STAU2: variants seen among roughly 807,000 people sequenced by gnomAD.
The protein encoded by STAU2 is double-stranded RNA-binding protein Staufen homolog 2.
STAU2 carries 20 observed loss-of-function variants against 65.9 expected under a neutral mutation model. The ratio of observed to expected loss-of-function variants is 0.30; its 90% CI spans 0.21 to 0.44. The LOEUF is 0.44. STAU2 is among the 20% of genes least tolerant of loss of function. STAU2 has a pLI of 1.00. For synonymous variants in STAU2, 232 were observed against 233.9 expected (o/e 0.99, Z 0.07); for missense variants, 558 against 683.9 (o/e 0.82, Z 2.05).
intron 13 of STAU2, among the ~76,000 whole-genome samples, chr8:73,522,532 G>A (rs975547100): frequency 4.6e-5 from 7 of 152,162 alleles, no homozygotes; most frequent in Non-Finnish European, 7.4e-5. Context: ...CTCAGCAATT[G>A]TAAATCAGTG....
intron 3 of STAU2, among the ~76,000 whole-genome samples, chr8:73,716,426 G>C (rs980013493): frequency 6.6e-6 from 1 of 152,064 alleles, no homozygotes; most frequent in African/African-American, 2.4e-5. Context: ...GTGCCACCAT[G>C]GTCCTGAAAA....
chr8:73,489,930 T>C (rs16938683), intron 13 of STAU2, among the ~76,000 whole-genome samples: 1,933 of 152,146 alleles, frequency 0.013, 20 homozygotes, highest in South Asian at 0.02. Flanking sequence ...AGATTCATTA[T>C]GAAAGAGAGG....
In STAU2 at chr8:73,420,391, T is replaced by G. The variant is rs113732226; in HGVS notation, c.*981A>C. On this transcript the variant is annotated 3_prime_UTR_variant, in exon 15 of 15. Transcript: ENST00000524300. ...CGCTTCACACAGAAACCAACCACAT[T>G]TTTACTGCATCTGCTCCACGCTGGA... 81 of 338,968 alleles carry G rather than the reference T, an allele frequency of 2.4e-4. No homozygotes were observed. Among genetic ancestry groups the G allele is most frequent in the African/African-American group, 1.7e-3 (78 of 46,746 alleles). 21.0% of individuals were successfully genotyped at this position (338,968 alleles called of 1,614,324 possible).
intron 13 of STAU2, among the ~76,000 whole-genome samples, chr8:73,466,476 G>A (rs530016492): frequency 1.8e-4 from 28 of 152,266 alleles, no homozygotes; most frequent in Non-Finnish European, 3.2e-4. Flanking sequence ...AAGCCAGGAA[G>A]AAAAAGGGGG....
At chr8:73,583,593 A>G (rs1257151297) in intron 11 of STAU2, among the ~76,000 whole-genome samples, 1 of 152,196 alleles carries the variant, frequency 6.6e-6, no homozygotes, top group Non-Finnish European at 1.5e-5. Context: ...ATGTCCATCT[A>G]GAAAAGTCCT....
intron 13 of STAU2, among the ~76,000 whole-genome samples, chr8:73,523,731 A>G (rs1432677760): frequency 4.6e-5 from 7 of 152,182 alleles, no homozygotes; most frequent in Non-Finnish European, 1.0e-4. Context: ...ACTGACAACA[A>G]GGCCAGTGAG....
chr8:73,526,791 T>C (rs1289122442), intron 13 of STAU2, among the ~76,000 whole-genome samples: 4 of 152,234 alleles, frequency 2.6e-5, no homozygotes, highest in African/African-American at 7.2e-5. Context: ...CTCAAGCTGC[T>C]ATCTAAACAA....
intron 13 of STAU2, among the ~76,000 whole-genome samples, chr8:73,535,136 C>T (rs929606709): frequency 1.3e-5 from 2 of 152,020 alleles, no homozygotes; most frequent in African/African-American, 4.8e-5. Flanking sequence ...CTGTAAGTGA[C>T]AAGCATGTAC....
intron 9 of STAU2, among the ~76,000 whole-genome samples, chr8:73,610,269 T>C (rs72659482): frequency 0.046 from 6,624 of 143,522 alleles, 184 homozygotes; most frequent in South Asian, 0.14. Context: ...AGTGAGACCC[T>C]GTTTAAAAAA....
chr8:73,483,581 G>A (rs1820753753), intron 13 of STAU2, among the ~76,000 whole-genome samples: 3 of 152,066 alleles, frequency 2.0e-5, no homozygotes, highest in Admixed American at 1.3e-4. Context: ...TTAAATTTCA[G>A]TAATTGAACA....
At chr8:73,716,117 C>G (rs1384181485) in intron 3 of STAU2, among the ~76,000 whole-genome samples, 1 of 143,156 alleles carries the variant, frequency 7.0e-6, no homozygotes, top group Non-Finnish European at 1.5e-5. Flanking sequence ...AGACAAGAGT[C>G]TCGCTCTGTC....
intron 12 of STAU2, among the ~76,000 whole-genome samples, chr8:73,555,761 G>A (rs1288769757): frequency 6.6e-6 from 1 of 152,092 alleles, no homozygotes; most frequent in African/African-American, 2.4e-5. Context: ...TTTCTATCAC[G>A]GACTTGAGCA....
intron 11 of STAU2, among the ~76,000 whole-genome samples, chr8:73,590,186 AAGG>A (rs1362076191): frequency 6.6e-6 from 1 of 151,864 alleles, no homozygotes; most frequent in African/African-American, 2.4e-5. Context: ...GGTGGAGGAA[AAGG>A]AGAAGGAAGA....
intron 13 of STAU2, among the ~76,000 whole-genome samples, chr8:73,479,184 A>C (rs1820474694): frequency 6.6e-6 from 1 of 152,142 alleles, no homozygotes. Flanking sequence ...CCAAAGAACA[A>C]GGACTCATAA....
chr8:73,693,632 T>C (rs1819510781), intron 4 of STAU2, among the ~76,000 whole-genome samples: 1 of 152,176 alleles, frequency 6.6e-6, no homozygotes. Flanking sequence ...TTCTGTAAAA[T>C]ATAAGTATTT....
At chr8:73,476,004 C>T (rs547342583) in intron 13 of STAU2, among the ~76,000 whole-genome samples, 3 of 152,234 alleles carry the variant, frequency 2.0e-5, no homozygotes, top group Non-Finnish European at 2.9e-5. Context: ...CAATAAATTA[C>T]GTGGCCCTGA....
At chr8:73,588,055 G>C (rs1478282287) in intron 11 of STAU2, among the ~76,000 whole-genome samples, 1 of 152,134 alleles carries the variant, frequency 6.6e-6, no homozygotes, top group African/African-American at 2.4e-5. Flanking sequence ...AAATCAAGAT[G>C]CAAGAATGGC....
chr8:73,595,086 A>C (rs962750196), intron 11 of STAU2, 80 bp downstream of exon 11: 1 of 1,230,770 alleles, frequency 8.1e-7, no homozygotes. Context: ...CATTTACTTT[A>C]ATATCAGTTA....
At chr8:73,548,677 T>C (rs1462245998) in intron 13 of STAU2, among the ~76,000 whole-genome samples, 3 of 152,192 alleles carry the variant, frequency 2.0e-5, no homozygotes, top group African/African-American at 7.2e-5. Context: ...TAATTATAGT[T>C]TAACTAAAAC....
Sources: gnomAD v4.1 joint callset for allele counts (sites outside exome capture counted in the v4.1 genomes callset) on GRCh38, gnomAD v4.1.1 for gene constraint, MANE v1.5 for transcripts, NCBI Gene and HGNC (gene_info 2026-07-23, HGNC 2026-07-21) for gene names.